The following LYPLA2 variants were observed in gnomAD, a reference collection of about 807,000 sequenced individuals.
The protein encoded by LYPLA2 is acyl-protein thioesterase 2.
A neutral mutation model predicts 30.3 loss-of-function variants in LYPLA2; 7 were observed. That is an observed-to-expected ratio of 0.23 (90% CI 0.13 to 0.43). The LOEUF (loss-of-function observed/expected upper bound fraction) is 0.43, where lower values mean the gene tolerates loss of function less well. Among genes scored for constraint, LYPLA2 ranks in the 20% least tolerant of loss-of-function variants. LYPLA2 has a pLI of 1.00. For synonymous variants in LYPLA2, 112 were observed against 118.2 expected (o/e 0.95, Z 0.34); for missense variants, 206 against 307.9 (o/e 0.67, Z 2.48).
intron 1 of LYPLA2, 27 bp from the exon 2 acceptor site, chr1:23,792,630 T>A (rs1470837353): frequency 1.1e-5 from 17 of 1,518,174 alleles, no homozygotes; most frequent in Admixed American, 1.7e-5. Flanking sequence ...CTGGTTTTGC[T>A]CTTGACCGCC....
chr1:23,795,182 T>C lies in LYPLA2; in HGVS notation c.*450T>C. 3.1e-6 allele frequency: 1 copy of C among 320,884 alleles called. No homozygotes were observed. Among genetic ancestry groups the C allele is most frequent in the Admixed American group, 4.1e-5 (1 of 24,186 alleles). The allele number at this position is 320,884 out of a possible 1,614,324, so 19.9% of individuals were successfully genotyped here. On this transcript the variant is annotated 3_prime_UTR_variant, in exon 10 of 10. Transcript: ENST00000374514. ...CTGCCTCCACTCAGCTGCTTCTCAG[T>C]CATGAATGTGGCCATGGCCCCGGGG... is the stretch of plus-strand genomic sequence containing the variant.
Position 23,793,211 on chromosome 1 carries a change from C to T in LYPLA2, c.171C>T (p.Pro57=), listed in dbSNP as rs771859306. 6.2e-7 allele frequency: 1 copy of T among 1,613,620 alleles called. No homozygotes were observed. Among genetic ancestry groups the T allele is most frequent in the Non-Finnish European group, 8.5e-7 (1 of 1,179,912 alleles). The part of the protein sequence containing the change: ...IRLPHVKYIC[P]HAPRIPVTLN... ...TCCCTCACGTCAAGTACATCTGTCC[C>T]CATGCGTGAGTGTCACCCCAGCAAG... is the stretch of plus-strand genomic sequence containing the variant. Residue 57 remains proline, a synonymous_variant, in exon 4 of 10, where the codon CCC becomes CCT. Transcript: ENST00000374514. The surrounding 1 kb of genome is among the most constrained non-coding windows in gnomAD (Gnocchi z 6.0).
rs1275656487 is a variant in LYPLA2 at position 23,793,659 on chromosome 1, C to T, written c.177-46C>T. On this transcript the variant is annotated intron_variant, in intron 4 of 9. Coordinates refer to ENST00000374514, the MANE Select transcript of LYPLA2 (RefSeq NM_007260.3). The surrounding 1 kb of genome is among the most constrained non-coding windows in gnomAD (Gnocchi z 6.0). Reference sequence around the variant, plus strand: ...ACTCCGGGCTCTGAGCTCTGGCCTCCTCATTCCTCCTGAGCATGATGGGCC... The same window carrying T: ...ACTCCGGGCTCTGAGCTCTGGCCTCTTCATTCCTCCTGAGCATGATGGGCC... 6.3e-7 allele frequency: 1 copy of T among 1,599,796 alleles called. No homozygotes were observed. The highest frequency in any genetic ancestry group is 2.2e-5 in the East Asian group (1 of 44,814).
chr1:23,794,205 CT>C lies in LYPLA2; in HGVS notation c.370-18del, dbSNP rs1455056385. 1 of 1,598,936 alleles carries C rather than the reference CT, an allele frequency of 6.3e-7. No homozygotes were observed. The highest frequency in any genetic ancestry group is 1.1e-5 in the South Asian group (1 of 89,620). On this transcript the variant is annotated intron_variant, in intron 7 of 9. Coordinates refer to ENST00000374514, the MANE Select transcript of LYPLA2 (RefSeq NM_007260.3). This position sits in a 1 kb window ranked among gnomAD's most constrained non-coding sequence, Gnocchi z 5.9. ...TGAGTGAGCTGTGCCCTCATGACCCCTCTCTCTCCTCCCTCCAGGGCGGGGC... is the reference window on the plus strand; with the variant it reads ...TGAGTGAGCTGTGCCCTCATGACCCCCTCTCTCCTCCCTCCAGGGCGGGGC...
In LYPLA2 at chr1:23,794,158, G is replaced by T. The variant is rs1429839739; in HGVS notation, c.369+22G>T. ...ACAGGTGAGGGGAGAGGGGTGGGGG[G>T]GTAGGGGGTAGGGGTGGCCGGTGAG... On this transcript the variant is annotated intron_variant, in intron 7 of 9. Transcript: ENST00000374514. The surrounding 1 kb of genome is among the most constrained non-coding windows in gnomAD (Gnocchi z 5.9). 1.1e-6 allele frequency: 1 copy of T among 918,348 alleles called. No homozygotes were observed. The highest frequency in any genetic ancestry group is 1.8e-6 in the Non-Finnish European group (1 of 564,512). The allele number at this position is 918,348 out of a possible 1,614,324, so 56.9% of individuals were successfully genotyped here. A position where few individuals can be genotyped will look rare whatever the true frequency, so the allele number is the denominator to read the frequency against.
chr1:23,794,150 G>T lies in LYPLA2; in HGVS notation c.369+14G>T. 1 of 1,548,050 alleles carries T rather than the reference G, an allele frequency of 6.5e-7. No homozygotes were observed. Among genetic ancestry groups the T allele is most frequent in the East Asian group, 2.3e-5 (1 of 44,438 alleles). ...GGCTTTTCACAGGTGAGGGGAGAGG[G>T]GTGGGGGGGTAGGGGGTAGGGGTGG... On this transcript the variant is annotated intron_variant, in intron 7 of 9. Transcript: ENST00000374514. This position sits in a 1 kb window ranked among gnomAD's most constrained non-coding sequence, Gnocchi z 5.9.
At position 23,793,623 on chromosome 1, in the gene LYPLA2, G is replaced by C. The variant is rs887350519; in HGVS notation, c.177-82G>C. 5.6e-6 allele frequency: 8 copies of C among 1,422,534 alleles called. No individual in the cohort carries two copies. In the East Asian group the frequency reaches 1.8e-4, roughly 32 times the overall value. 88.1% of individuals were successfully genotyped at this position (1,422,534 alleles called of 1,614,324 possible). A position where few individuals can be genotyped will look rare whatever the true frequency, so the allele number is the denominator to read the frequency against. ...CCTGCTGGGAGGGGCCACCAGGGGC[G>C]GCGCGGCCCCACTCCGGGCTCTGAG... On this transcript the variant is annotated intron_variant, in intron 4 of 9. Coordinates refer to ENST00000374514, the MANE Select transcript of LYPLA2 (RefSeq NM_007260.3). This position sits in a 1 kb window ranked among gnomAD's most constrained non-coding sequence, Gnocchi z 6.0.
At position 23,793,063 on chromosome 1, in the gene LYPLA2, C is replaced by T. The variant is rs774204993; in HGVS notation, c.110+24C>T. 16 of 1,613,422 alleles carry T rather than the reference C, an allele frequency of 9.9e-6. No individual in the cohort carries two copies. The highest frequency in any genetic ancestry group is 3.3e-5 in the South Asian group (3 of 91,068). On this transcript the variant is annotated intron_variant, in intron 3 of 9. Transcript: ENST00000374514. The surrounding 1 kb of genome is among the most constrained non-coding windows in gnomAD (Gnocchi z 6.0). ...GGGTAAGTGACTGAGGAGGGGTGCT[C>T]CTTAAGGAGGGGTCCTGGCCCAGCA...
chr1:23,793,594 C>A lies in LYPLA2; in HGVS notation c.177-111C>A. The A allele has an allele frequency of 8.9e-7, 1 of 1,126,158 alleles. No homozygotes were observed. Among genetic ancestry groups the A allele is most frequent in the African/African-American group, 1.5e-5 (1 of 65,800 alleles). 69.8% of individuals were successfully genotyped at this position (1,126,158 alleles called of 1,614,324 possible). ...GCCTGGCAACACCTTAAACACAGGC[C>A]CTGCCTGCTGGGAGGGGCCACCAGG... On this transcript the variant is annotated intron_variant, in intron 4 of 9. Coordinates refer to ENST00000374514, the MANE Select transcript of LYPLA2 (RefSeq NM_007260.3). This position sits in a 1 kb window ranked among gnomAD's most constrained non-coding sequence, Gnocchi z 6.0.
chr1:23,793,282 C>A lies in LYPLA2; in HGVS notation c.176+66C>A. The A allele has an allele frequency of 6.6e-7, 1 of 1,515,308 alleles. No homozygotes were observed. 93.9% of individuals were successfully genotyped at this position (1,515,308 alleles called of 1,614,324 possible). ...TCATCTGGGGGTGGTCCTGTCATCC[C>A]AGGCCTGTTCTCTCCTGTCAGTTGC... is the stretch of plus-strand genomic sequence containing the variant. On this transcript the variant is annotated intron_variant, in intron 4 of 9. Coordinates refer to ENST00000374514, the MANE Select transcript of LYPLA2 (RefSeq NM_007260.3). The surrounding 1 kb of genome is among the most constrained non-coding windows in gnomAD (Gnocchi z 6.0).
chr1:23,792,913 G>A, intron 2 of LYPLA2, 95 bp from the exon 3 acceptor site: 7 of 1,419,504 alleles, frequency 4.9e-6, no homozygotes, highest in Non-Finnish European at 5.9e-6. Context: ...TGCTACCTGG[G>A]TTCCCCCAGG....
Position 23,794,822 on chromosome 1 carries a change from C to T in LYPLA2, c.*90C>T. ...TCTTGGATCTGAGCCGGTCGAGCCC[C>T]TGTCCCCACCCTTCCTGACCTGTCC... On this transcript the variant is annotated 3_prime_UTR_variant, in exon 10 of 10. Coordinates refer to ENST00000374514, the MANE Select transcript of LYPLA2 (RefSeq NM_007260.3). This position sits in a 1 kb window ranked among gnomAD's most constrained non-coding sequence, Gnocchi z 5.9. The T allele has an allele frequency of 7.0e-7, 1 of 1,438,180 alleles. No homozygotes were observed. The highest frequency in any genetic ancestry group is 2.4e-5 in the East Asian group (1 of 41,920). 89.1% of individuals were successfully genotyped at this position (1,438,180 alleles called of 1,614,324 possible).
Position 23,793,619 on chromosome 1 carries a change from G to A in LYPLA2, c.177-86G>A, listed in dbSNP as rs1298357609. 1.4e-6 allele frequency: 2 copies of A among 1,388,926 alleles called. No individual in the cohort carries two copies. Among genetic ancestry groups the A allele is most frequent in the East Asian group, 2.3e-5 (1 of 43,802 alleles). 86.0% of individuals were successfully genotyped at this position (1,388,926 alleles called of 1,614,324 possible). On this transcript the variant is annotated intron_variant, in intron 4 of 9. Coordinates refer to ENST00000374514, the MANE Select transcript of LYPLA2 (RefSeq NM_007260.3). This position sits in a 1 kb window ranked among gnomAD's most constrained non-coding sequence, Gnocchi z 6.0. ...CCTGCCTGCTGGGAGGGGCCACCAG[G>A]GGCGGCGCGGCCCCACTCCGGGCTC...
rs370052150 is a variant in LYPLA2 at position 23,793,241 on chromosome 1, G to GGGC, written c.176+26_176+28dup. On this transcript the variant is annotated intron_variant, in intron 4 of 9. Coordinates refer to ENST00000374514, the MANE Select transcript of LYPLA2 (RefSeq NM_007260.3). The surrounding 1 kb of genome is among the most constrained non-coding windows in gnomAD (Gnocchi z 6.0). ...CGTGAGTGTCACCCCAGCAAGGGAG[G>GGGC]GGCTGAGGCTGGGGATCATCTGGGG... The GGGC allele has an allele frequency of 8.7e-4, 1,397 of 1,609,610 alleles. 14 individuals are homozygous for GGGC. In the African/African-American group the frequency reaches 0.017, roughly 19 times the overall value.
intron 1 of LYPLA2, 23 bp from the exon 2 acceptor site, chr1:23,792,634 G>A: frequency 1.9e-6 from 3 of 1,548,032 alleles, no homozygotes; most frequent in South Asian, 1.1e-5. Flanking sequence ...TTTTGCTCTT[G>A]ACCGCCGCCC....
At position 23,793,574 on chromosome 1, in the gene LYPLA2, G is replaced by A. The variant is rs1638844021; in HGVS notation, c.177-131G>A. ...CCAGCCCCACGTGGCAGGTTGCCTG[G>A]CAACACCTTAAACACAGGCCCTGCC... is the stretch of plus-strand genomic sequence containing the variant. On this transcript the variant is annotated intron_variant, in intron 4 of 9. Transcript: ENST00000374514. The surrounding 1 kb of genome is among the most constrained non-coding windows in gnomAD (Gnocchi z 6.0). 6 of 935,074 alleles carry A rather than the reference G, an allele frequency of 6.4e-6. No homozygotes were observed. The highest frequency in any genetic ancestry group is 1.0e-5 in the Non-Finnish European group (6 of 580,960). The allele number at this position is 935,074 out of a possible 1,614,324, so 57.9% of individuals were successfully genotyped here.
chr1:23,794,345 C>A lies in LYPLA2; in HGVS notation c.471+20C>A, dbSNP rs773056081. 2 of 1,598,586 alleles carry A rather than the reference C, an allele frequency of 1.3e-6. No homozygotes were observed. The highest frequency in any genetic ancestry group is 3.3e-5 in the Admixed American group (2 of 59,740). On this transcript the variant is annotated intron_variant, in intron 8 of 9. Transcript: ENST00000374514. This position sits in a 1 kb window ranked among gnomAD's most constrained non-coding sequence, Gnocchi z 5.9. ...CCCCAGGTGAATGTCCCCACTGACC[C>A]CCCCGCCCTTTGTGTCTGCATCCTC...
Position 23,793,249 on chromosome 1 carries a change from G to T in LYPLA2, c.176+33G>T. On this transcript the variant is annotated intron_variant, in intron 4 of 9. Coordinates refer to ENST00000374514, the MANE Select transcript of LYPLA2 (RefSeq NM_007260.3). The surrounding 1 kb of genome is among the most constrained non-coding windows in gnomAD (Gnocchi z 6.0). Reference sequence around the variant, plus strand: ...TCACCCCAGCAAGGGAGGGGCTGAGGCTGGGGATCATCTGGGGGTGGTCCT... The same window carrying T: ...TCACCCCAGCAAGGGAGGGGCTGAGTCTGGGGATCATCTGGGGGTGGTCCT... 1.2e-6 allele frequency: 2 copies of T among 1,605,512 alleles called. No homozygotes were observed. Among genetic ancestry groups the T allele is most frequent in the Non-Finnish European group, 1.7e-6 (2 of 1,173,572 alleles).
Position 23,793,100 on chromosome 1 carries a change from A to G in LYPLA2, c.111-51A>G, listed in dbSNP as rs1483173127. 6.2e-7 allele frequency: 1 copy of G among 1,613,128 alleles called. No homozygotes were observed. The highest frequency in any genetic ancestry group is 8.5e-7 in the Non-Finnish European group (1 of 1,179,284). On this transcript the variant is annotated intron_variant, in intron 3 of 9. Coordinates refer to ENST00000374514, the MANE Select transcript of LYPLA2 (RefSeq NM_007260.3). The surrounding 1 kb of genome is among the most constrained non-coding windows in gnomAD (Gnocchi z 6.0). ...GTCCTGGCCCAGCAGCGGACTGGAG[A>G]GGCCTTCTCTTCCTACCACATCGGA...
Sources: gnomAD v4.1 joint callset for allele counts on GRCh38, gnomAD v4.1.1 for gene constraint, Gnocchi (gnomAD v3.1) non-coding constraint, MANE v1.5 for transcripts, NCBI Gene and HGNC (gene_info 2026-07-23, HGNC 2026-07-21) for gene names.